Variants in POU6F2 observed in about 807,000 individuals in gnomAD.
The protein encoded by POU6F2 is POU domain, class 6, transcription factor 2.
Under a neutral mutation model 71.3 loss-of-function variants are expected in POU6F2, and 31 were observed. That is an observed-to-expected ratio of 0.43 (90% CI 0.33 to 0.59). The LOEUF is 0.59. Among genes scored for constraint, POU6F2 ranks in the 20% least tolerant of loss-of-function variants. The pLI is 0.04. For missense variants in POU6F2, 783 were observed against 856.8 expected (o/e 0.91, Z 1.07); for synonymous variants, 347 against 355.7 (o/e 0.98, Z 0.27).
chr7:39,290,559 G>C (rs1784733296), intron 4 of POU6F2, among the ~76,000 whole-genome samples: 1 of 152,190 alleles, frequency 6.6e-6, no homozygotes, highest in Non-Finnish European at 1.5e-5. Context: ...AAAATCAATA[G>C]ATGTTATATT....
chr7:39,105,289 A>C (rs1205993524), intron 2 of POU6F2, among the ~76,000 whole-genome samples: 1 of 152,204 alleles, frequency 6.6e-6, no homozygotes, highest in Non-Finnish European at 1.5e-5. Context: ...CATTCTAAAA[A>C]AGGATAGGCT....
intron 2 of POU6F2, among the ~76,000 whole-genome samples, chr7:39,093,964 A>G (rs1296629548): frequency 6.6e-6 from 1 of 152,114 alleles, no homozygotes; most frequent in African/African-American, 2.4e-5. Flanking sequence ...TATTTTCTCT[A>G]TTATAAAACT....
intron 2 of POU6F2, chr7:39,120,792 G>T (rs1792025635): frequency 6.6e-6 from 1 of 152,146 alleles, no homozygotes; most frequent in South Asian, 2.1e-4. Context: ...ATTCAATATT[G>T]CTTTCTTACT....
At chr7:39,351,248 T>G (rs1786134589) in intron 5 of POU6F2, among the ~76,000 whole-genome samples, 2 of 152,204 alleles carry the variant, frequency 1.3e-5, no homozygotes, top group South Asian at 4.1e-4. Context: ...ACTGACTTTA[T>G]TTTATGATAT....
At chr7:39,151,005 A>C (rs910152594) in intron 2 of POU6F2, among the ~76,000 whole-genome samples, 1 of 152,006 alleles carries the variant, frequency 6.6e-6, no homozygotes, top group African/African-American at 2.4e-5. Flanking sequence ...CTGATAATGC[A>C]ATTTATTCTT....
intron 4 of POU6F2, among the ~76,000 whole-genome samples, chr7:39,254,474 G>C (rs1783981202): frequency 6.6e-6 from 1 of 152,122 alleles, no homozygotes; most frequent in Non-Finnish European, 1.5e-5. Context: ...AAATACTAAT[G>C]AGGATCTCCT....
Position 39,446,377 on chromosome 7 carries a change from A to C in POU6F2, c.1321-5156A>C, listed in dbSNP as rs371629580. 1.4e-4 allele frequency among the ~76,000 whole-genome samples: 21 copies of C among 152,298 alleles called. No homozygotes were observed. The East Asian group carries it at 2.3e-3, about 17-fold the overall frequency. On this transcript the variant is annotated intron_variant, in intron 7 of 9. Coordinates refer to ENST00000518318, the MANE Select transcript of POU6F2 (RefSeq NM_001370959.1). ...TTAATCCCATTTGAATTTTCTGTTT[A>C]TATGCATTCACTTTTCCAACTTGCC...
chr7:39,326,696 G>C (rs1785510376), intron 4 of POU6F2, among the ~76,000 whole-genome samples: 2 of 152,304 alleles, frequency 1.3e-5, no homozygotes, highest in South Asian at 4.1e-4. Flanking sequence ...AGAAGATCTT[G>C]TTAAAATGTT....
At chr7:39,449,791 T>C (rs953016330) in intron 7 of POU6F2, among the ~76,000 whole-genome samples, 1 of 152,064 alleles carries the variant, frequency 6.6e-6, no homozygotes, top group Non-Finnish European at 1.5e-5. Flanking sequence ...AAAACTGAAC[T>C]ACCAAGGCAT....
rs1584526688 is a variant in POU6F2, at chr7:39,069,306, G to A, written c.106-16554G>A. Among the ~76,000 whole-genome samples the A allele has an allele frequency of 3.3e-5, 5 of 152,316 alleles. No individual in the cohort carries two copies. In the South Asian group the frequency reaches 1.0e-3, roughly 32 times the overall value. On this transcript the variant is annotated intron_variant, in intron 1 of 9. Coordinates refer to ENST00000518318, the MANE Select transcript of POU6F2 (RefSeq NM_001370959.1). ...CTAGGTCAAAAAGCCCAGAATGCCA[G>A]GGACTGAGTGTTAGAGAAGAGACTT... is the stretch of plus-strand genomic sequence containing the variant.
intron 4 of POU6F2, among the ~76,000 whole-genome samples, chr7:39,262,922 C>T (rs941816518): frequency 2.0e-5 from 3 of 152,194 alleles, no homozygotes; most frequent in Admixed American, 6.5e-5. Context: ...CAGAAAATCA[C>T]CATTTCCCAT....
intron 4 of POU6F2, among the ~76,000 whole-genome samples, chr7:39,213,623 A>C (rs1239799102): frequency 6.6e-6 from 1 of 152,180 alleles, no homozygotes; most frequent in African/African-American, 2.4e-5. Flanking sequence ...AAATGGATTC[A>C]TATTATATGT....
intron 1 of POU6F2, among the ~76,000 whole-genome samples, chr7:39,006,190 G>A (rs561614330): frequency 6.6e-5 from 10 of 152,186 alleles, no homozygotes; most frequent in East Asian, 3.9e-4. Context: ...TGGGCCGGGC[G>A]CGGTGGCTCA....
At chr7:39,394,704 A>G (rs1787138497) in intron 5 of POU6F2, among the ~76,000 whole-genome samples, 4 of 152,066 alleles carry the variant, frequency 2.6e-5, no homozygotes, top group African/African-American at 9.7e-5. Context: ...TGTCTTTCCC[A>G]TCTGCTCAAT....
intron 7 of POU6F2, among the ~76,000 whole-genome samples, chr7:39,450,274 C>T (rs551692772): frequency 6.6e-6 from 1 of 152,264 alleles, no homozygotes; most frequent in East Asian, 1.9e-4. Context: ...AGTTGAGGTC[C>T]TGACCTAATT....
At chr7:39,374,205 A>G (rs981740705) in intron 5 of POU6F2, among the ~76,000 whole-genome samples, 2 of 152,248 alleles carry the variant, frequency 1.3e-5, no homozygotes, top group Non-Finnish European at 1.5e-5. Context: ...GCACTTGTCA[A>G]AAACTGCTGC....
chr7:39,074,625 AGT>A (rs1314493093), intron 1 of POU6F2, among the ~76,000 whole-genome samples: 1 of 152,148 alleles, frequency 6.6e-6, no homozygotes, highest in Non-Finnish European at 1.5e-5. Flanking sequence ...TAATATTTGA[AGT>A]GTGTGGATAT....
chr7:39,007,485 T>C (rs1349257771), intron 1 of POU6F2, among the ~76,000 whole-genome samples: 1 of 152,214 alleles, frequency 6.6e-6, no homozygotes, highest in Middle Eastern at 3.2e-3. Flanking sequence ...GAACAGAATT[T>C]ATCTCCAGTT....
chr7:39,424,119 AGG>A (rs1397087411), intron 6 of POU6F2, among the ~76,000 whole-genome samples: 1 of 152,224 alleles, frequency 6.6e-6, no homozygotes, highest in Non-Finnish European at 1.5e-5. Context: ...GGTAGGGACC[AGG>A]GAACTCTCTG....
Sources: gnomAD v4.1 joint callset for allele counts (sites outside exome capture counted in the v4.1 genomes callset) on GRCh38, gnomAD v4.1.1 for gene constraint, MANE v1.5 for transcripts, NCBI Gene and HGNC (gene_info 2026-07-23, HGNC 2026-07-21) for gene names.